SNTG1: variants seen among roughly 807,000 people sequenced by gnomAD.
SNTG1 encodes syntrophin gamma 1.
In SNTG1, 39 loss-of-function variants were observed where a neutral mutation model predicts 74.7. The observed-to-expected ratio is 0.52, with a 90% CI of 0.40 to 0.68. The LOEUF is 0.68. Among genes scored for constraint, SNTG1 ranks in the 30% least tolerant of loss-of-function variants. The pLI is 0.00. For synonymous variants in SNTG1, 254 were observed against 217.1 expected (o/e 1.17, Z -1.49); for missense variants, 685 against 609.5 (o/e 1.12, Z -1.30).
intron 2 of SNTG1, among the ~76,000 whole-genome samples, chr8:50,222,132 A>G (rs2085102538): frequency 6.6e-6 from 1 of 152,194 alleles, no homozygotes; most frequent in Admixed American, 6.5e-5. Flanking sequence ...AGACATATCA[A>G]AAGGCCAGTC....
At chr8:50,572,704 AAGTAG>A (rs2094556086) in intron 12 of SNTG1, among the ~76,000 whole-genome samples, 1 of 152,144 alleles carries the variant, frequency 6.6e-6, no homozygotes, top group African/African-American at 2.4e-5. Flanking sequence ...CTCATGGTAA[AAGTAG>A]AGTTTTCTCA....
At chr8:50,265,845 A>G (rs563778425) in intron 2 of SNTG1, among the ~76,000 whole-genome samples, 23 of 152,220 alleles carry the variant, frequency 1.5e-4, no homozygotes, top group South Asian at 1.2e-3. Context: ...TTACAATGAT[A>G]TCAAAAAAAT....
At chr8:50,787,187 G>C (rs1407304471) in intron 18 of SNTG1, among the ~76,000 whole-genome samples, 1 of 151,762 alleles carries the variant, frequency 6.6e-6, no homozygotes, top group East Asian at 1.9e-4. Context: ...GATTCAAATT[G>C]ACATTTCTCC....
intron 1 of SNTG1, among the ~76,000 whole-genome samples, chr8:50,018,511 T>C (rs575015703): frequency 6.6e-6 from 1 of 151,980 alleles, no homozygotes; most frequent in Non-Finnish European, 1.5e-5. Context: ...TAGACATGAA[T>C]GTAAGATCTA....
intron 13 of SNTG1, among the ~76,000 whole-genome samples, chr8:50,619,942 T>G (rs1469228878): frequency 6.6e-6 from 1 of 151,630 alleles, no homozygotes; most frequent in Non-Finnish European, 1.5e-5. Context: ...ATGATTCTAT[T>G]AGTTTTGCAT....
chr8:50,036,508 C>A (rs1585995328), intron 1 of SNTG1, among the ~76,000 whole-genome samples: 1 of 152,292 alleles, frequency 6.6e-6, no homozygotes, highest in Admixed American at 6.5e-5. Flanking sequence ...GTTTTTCTAT[C>A]ATCATGCTTA....
chr8:50,209,400 C>A (rs189272695), intron 2 of SNTG1, among the ~76,000 whole-genome samples: 1 of 152,292 alleles, frequency 6.6e-6, no homozygotes, highest in Non-Finnish European at 1.5e-5. Flanking sequence ...AGTTTGAGAT[C>A]TGAGAATGGA....
chr8:50,747,246 A>C (rs2095557146), intron 17 of SNTG1, among the ~76,000 whole-genome samples: 2 of 151,996 alleles, frequency 1.3e-5, no homozygotes, highest in African/African-American at 2.4e-5. Context: ...GGTAGCAGAA[A>C]ATATTGACTT....
chr8:50,753,431 A>G (rs1172710704), intron 18 of SNTG1, among the ~76,000 whole-genome samples: 1 of 151,924 alleles, frequency 6.6e-6, no homozygotes, highest in Non-Finnish European at 1.5e-5. Flanking sequence ...TTATTCTGGC[A>G]TTTATTCTGA....
intron 2 of SNTG1, among the ~76,000 whole-genome samples, chr8:50,328,612 C>G (rs2090844860): frequency 6.6e-6 from 1 of 152,278 alleles, no homozygotes; most frequent in South Asian, 2.1e-4. Flanking sequence ...ATCATGAGAA[C>G]AGCATAGGAG....
intron 2 of SNTG1, among the ~76,000 whole-genome samples, chr8:50,339,371 A>G (rs2091249885): frequency 6.6e-6 from 1 of 151,996 alleles, no homozygotes; most frequent in African/African-American, 2.4e-5. Context: ...GAATTAAAAA[A>G]TAAATAAAAA....
chr8:50,559,030 T>C (rs1378053325), intron 12 of SNTG1, among the ~76,000 whole-genome samples: 1 of 152,186 alleles, frequency 6.6e-6, no homozygotes, highest in East Asian at 1.9e-4. Flanking sequence ...AAGGTGTATT[T>C]TGTGATGCTG....
At chr8:50,776,661 T>G (rs2095641731) in intron 18 of SNTG1, among the ~76,000 whole-genome samples, 1 of 151,468 alleles carries the variant, frequency 6.6e-6, no homozygotes, top group South Asian at 2.1e-4. Flanking sequence ...AATAAAATAT[T>G]TAAGGATCAC....
intron 2 of SNTG1, among the ~76,000 whole-genome samples, chr8:50,265,794 G>T (rs1203858974): frequency 6.6e-6 from 1 of 151,636 alleles, no homozygotes; most frequent in Non-Finnish European, 1.5e-5. Context: ...TTATAAAGTA[G>T]TGATGAAAAA....
At chr8:50,124,364 T>C (rs898573628) in intron 1 of SNTG1, among the ~76,000 whole-genome samples, 3 of 142,224 alleles carry the variant, frequency 2.1e-5, no homozygotes, top group Non-Finnish European at 4.7e-5. Context: ...TGCTACTGTT[T>C]TATGGCAGGC....
At chr8:50,261,573 A>G (rs920441305) in intron 2 of SNTG1, among the ~76,000 whole-genome samples, 7 of 152,154 alleles carry the variant, frequency 4.6e-5, no homozygotes, top group African/African-American at 1.7e-4. Flanking sequence ...ATTAGCAACA[A>G]TGTACCCAGT....
intron 1 of SNTG1, among the ~76,000 whole-genome samples, chr8:50,129,599 T>C (rs2081255423): frequency 6.6e-6 from 1 of 152,150 alleles, no homozygotes; most frequent in Admixed American, 6.6e-5. Context: ...TCATACCGTC[T>C]TGGTGGAGAA....
chr8:49,951,817 T>C (rs1420866151), intron 1 of SNTG1, among the ~76,000 whole-genome samples: 5 of 139,670 alleles, frequency 3.6e-5, no homozygotes, highest in Non-Finnish European at 6.0e-5. Context: ...GTATAGTCTC[T>C]GACCATCAAG....
intron 15 of SNTG1, among the ~76,000 whole-genome samples, chr8:50,671,153 A>G (rs1251028302): frequency 3.3e-5 from 5 of 152,068 alleles, no homozygotes; most frequent in African/African-American, 1.2e-4. Flanking sequence ...CATGTCTAAA[A>G]AACCAAAAGC....
Sources: gnomAD v4.1 joint callset for allele counts (sites outside exome capture counted in the v4.1 genomes callset) on GRCh38, gnomAD v4.1.1 for gene constraint, MANE v1.5 for transcripts, NCBI Gene and HGNC (gene_info 2026-07-23, HGNC 2026-07-21) for gene names.